INSL6: variants seen among roughly 807,000 people sequenced by gnomAD.
The protein encoded by INSL6 is insulin-like peptide INSL6.
Under a neutral mutation model 9.4 loss-of-function variants are expected in INSL6, and 16 were observed. That is an observed-to-expected ratio of 1.70 (90% CI 1.15 to 2.59). INSL6 has a LOEUF of 2.59. INSL6 is among the 30% of genes most tolerant of loss of function. The pLI, the probability that INSL6 is intolerant of heterozygous loss-of-function variation, is 0.00. For synonymous variants in INSL6, 154 were observed against 96.9 expected, an observed-to-expected ratio of 1.59 and a Z score of -3.46; for missense variants, 391 against 257.3, an observed-to-expected ratio of 1.52 and a Z score of -3.56.
chr9:5,074,286 G>C, the INSL6 span, among the ~76,000 whole-genome samples: 2 of 151,784 alleles, frequency 1.3e-5, no homozygotes, highest in African/African-American at 2.4e-5. Flanking sequence ...TACTATACAG[G>C]CATGCCTCAT....
chr9:5,124,963 G>T (rs553154381), intron 3 of INSL6, among the ~76,000 whole-genome samples: 36 of 151,638 alleles, frequency 2.4e-4, no homozygotes, highest in African/African-American at 8.7e-4. Flanking sequence ...ATATTGGGAA[G>T]CTAGTTAGTA....
chr9:5,052,005 T>C, the INSL6 span, among the ~76,000 whole-genome samples: 1 of 152,094 alleles, frequency 6.6e-6, no homozygotes, highest in Non-Finnish European at 1.5e-5. Flanking sequence ...CAGCTACTTA[T>C]TGAATACTTG....
the INSL6 span, among the ~76,000 whole-genome samples, chr9:5,012,193 G>T: frequency 2.0e-5 from 3 of 152,000 alleles, no homozygotes; most frequent in Non-Finnish European, 4.4e-5. Flanking sequence ...CAAGAGCTCT[G>T]TCCCCTCCTC....
At chr9:5,039,061 T>G in the INSL6 span, among the ~76,000 whole-genome samples, 1 of 152,276 alleles carries the variant, frequency 6.6e-6, no homozygotes, top group African/African-American at 2.4e-5. Flanking sequence ...TACTTATTAG[T>G]GAAAGACTGA....
intron 3 of INSL6, chr9:5,126,619 T>A: frequency 1.7e-6 from 2 of 1,166,866 alleles, no homozygotes; most frequent in Non-Finnish European, 2.5e-6. Context: ...AAAATTAATG[T>A]CTTCCACCAA....
chr9:5,072,872 T>C, the INSL6 span, among the ~76,000 whole-genome samples: 1 of 152,180 alleles, frequency 6.6e-6, no homozygotes, highest in Non-Finnish European at 1.5e-5. Flanking sequence ...CATTTCTGCA[T>C]ATACTGTGGC....
intron 2 of INSL6, among the ~76,000 whole-genome samples, chr9:5,156,212 G>C (rs1333960789): frequency 4.6e-5 from 7 of 152,092 alleles, no homozygotes; most frequent in South Asian, 2.1e-4. Context: ...AATTTAATTT[G>C]TAATTAAAAC....
chr9:5,168,576 A>G (rs771799955), intron 1 of INSL6, among the ~76,000 whole-genome samples: 1 of 152,142 alleles, frequency 6.6e-6, no homozygotes, highest in Non-Finnish European at 1.5e-5. Flanking sequence ...GAACTATGGG[A>G]TTATCTTACA....
rs1256792094 is a variant in INSL6 at position 5,138,070 on chromosome 9, A to T, written c.377-4478T>A. 2.0e-5 allele frequency among the ~76,000 whole-genome samples: 3 copies of T among 152,342 alleles called. No homozygotes were observed. In the East Asian group the frequency reaches 5.8e-4, roughly 29 times the overall value. On this transcript the variant is annotated intron_variant, in intron 2 of 3. Coordinates refer to the INSL6 transcript ENST00000649639. Reference sequence around the variant, plus strand: ...CCAGTTAGAATGGTGATCATTAAAAAGTCAGGAAACAACAGATGCTGGAGA... The same window carrying T: ...CCAGTTAGAATGGTGATCATTAAAATGTCAGGAAACAACAGATGCTGGAGA...
chr9:5,119,471 A>G (rs1823452823), downstream of INSL6, among the ~76,000 whole-genome samples: 1 of 152,158 alleles, frequency 6.6e-6, no homozygotes, highest in African/African-American at 2.4e-5. Flanking sequence ...TGGGACCTGT[A>G]TCTCTGCCTA....
At chr9:5,183,907 T>A (rs1383381596) in intron 1 of INSL6, among the ~76,000 whole-genome samples, 1 of 151,718 alleles carries the variant, frequency 6.6e-6, no homozygotes, top group East Asian at 1.9e-4. Context: ...TAACTCAGAG[T>A]CGGTAAATTA....
the INSL6 span, among the ~76,000 whole-genome samples, chr9:5,026,101 C>CATCT: frequency 6.6e-6 from 1 of 151,902 alleles, no homozygotes; most frequent in Non-Finnish European, 1.5e-5. Context: ...TTATCATGTC[C>CATCT]ATCTCTAACC....
the INSL6 span, among the ~76,000 whole-genome samples, chr9:5,066,455 T>C: frequency 0.085 from 12,929 of 152,118 alleles, 1,626 homozygotes; most frequent in African/African-American, 0.28. Context: ...ATACCTTTTA[T>C]TGGTTTTTAA....
the INSL6 span, among the ~76,000 whole-genome samples, chr9:5,106,262 GA>G: frequency 6.6e-6 from 1 of 152,194 alleles, no homozygotes; most frequent in East Asian, 1.9e-4. Context: ...CTTCTCAAAA[GA>G]AGGCATTTAT....
chr9:5,164,333 G>A, intron 1 of INSL6, 68 bp from the exon 2 acceptor site: 1 of 980,986 alleles, frequency 1.0e-6, no homozygotes, highest in Non-Finnish European at 1.6e-6. Context: ...TTTAATATTG[G>A]AACAGTAAAA....
At chr9:5,154,829 G>A (rs999100300) in intron 2 of INSL6, among the ~76,000 whole-genome samples, 2 of 152,138 alleles carry the variant, frequency 1.3e-5, no homozygotes, top group Non-Finnish European at 2.9e-5. Context: ...GAAACAACAG[G>A]TGCTGGAGAG....
chr9:5,041,948 ATCT>A, the INSL6 span: 28 of 381,510 alleles, frequency 7.3e-5, no homozygotes, highest in East Asian at 1.6e-3. Context: ...TTCCCCCTGA[ATCT>A]TCTCCGTGCG....
At chr9:4,999,240 TC>T in the INSL6 span, among the ~76,000 whole-genome samples, 4 of 152,214 alleles carry the variant, frequency 2.6e-5, no homozygotes, top group African/African-American at 7.2e-5. Flanking sequence ...CTTAATCTTT[TC>T]TAAAGCCTAA....
At chr9:5,123,091 A>C, downstream of INSL6, 3 of 1,609,612 alleles carry the variant, frequency 1.9e-6, no homozygotes, top group Non-Finnish European at 2.5e-6. Flanking sequence ...AACTTTTCAC[A>C]TACATTGAGA....
Sources: allele counts gnomAD v4.1 joint callset (sites outside exome capture counted in the v4.1 genomes callset), GRCh38; gene constraint gnomAD v4.1.1; transcripts MANE v1.5; gene names NCBI Gene and HGNC (gene_info 2026-07-23, HGNC 2026-07-21).